The following SHROOM4 variants were observed in gnomAD, a reference collection of about 807,000 sequenced individuals.
SHROOM4 encodes the protein protein Shroom4.
A neutral mutation model predicts 80.3 loss-of-function variants in SHROOM4; 17 were observed. That is an observed-to-expected ratio of 0.21 (90% confidence interval 0.14 to 0.32). SHROOM4 has a LOEUF of 0.32. SHROOM4 is among the 10% of genes least tolerant of loss of function. The pLI is 1.00. For synonymous variants in SHROOM4, 400 were observed against 437.5 expected, an observed-to-expected ratio of 0.91 and a Z score of 1.07; for missense variants, 993 against 1,140.3, an observed-to-expected ratio of 0.87 and a Z score of 1.86.
intron 6 of SHROOM4, among the ~76,000 whole-genome samples, chrX:50,605,294 A>G (rs1181610000): frequency 8.9e-6 from 1 of 112,261 alleles, no homozygotes; most frequent in Non-Finnish European, 1.9e-5. Context: ...TAAATCAATC[A>G]TTACCCAAAG....
intron 2 of SHROOM4, among the ~76,000 whole-genome samples, chrX:50,660,537 C>T (rs1602413761): frequency 1.8e-5 from 1 of 56,544 alleles, no homozygotes; most frequent in African/African-American, 7.5e-5. Flanking sequence ...TCCCTCCCTC[C>T]CTCCCTCCCT....
At chrX:50,726,590 T>C (rs1934247784) in intron 1 of SHROOM4, among the ~76,000 whole-genome samples, 1 of 112,468 alleles carries the variant, frequency 8.9e-6, no homozygotes, top group Non-Finnish European at 1.9e-5. Flanking sequence ...GCTCCAGCCA[T>C]GGCTAAAAGG....
At chrX:50,652,366 T>C (rs782576712) in intron 2 of SHROOM4, among the ~76,000 whole-genome samples, 1 of 112,357 alleles carries the variant, frequency 8.9e-6, no homozygotes, top group African/African-American at 3.2e-5. Flanking sequence ...TTTGGCCACA[T>C]AAATGTCTTC....
At chrX:50,757,304 T>G (rs782326880) in intron 1 of SHROOM4, among the ~76,000 whole-genome samples, 1 of 112,276 alleles carries the variant, frequency 8.9e-6, no homozygotes, top group Non-Finnish European at 1.9e-5. Flanking sequence ...ATCACACATG[T>G]AAAGGCTTAT....
chrX:50,610,352 T>TCTCTCTCTCTCACACACACA (rs782591424), intron 5 of SHROOM4, among the ~76,000 whole-genome samples: 14 of 91,709 alleles, frequency 1.5e-4, no homozygotes, highest in African/African-American at 6.4e-4. Context: ...TCTCTCTCTC[T>TCTCTCTCTCTCACACACACA]CACACACACA....
intron 1 of SHROOM4, among the ~76,000 whole-genome samples, chrX:50,699,686 T>G (rs1011839994): frequency 8.9e-6 from 1 of 111,965 alleles, no homozygotes; most frequent in Admixed American, 9.5e-5. Context: ...GCTAATGAGC[T>G]AGCAATTTGG....
At chrX:50,640,189 A>G (rs1247688626) in intron 2 of SHROOM4, among the ~76,000 whole-genome samples, 1 of 111,664 alleles carries the variant, frequency 9.0e-6, no homozygotes, top group Non-Finnish European at 1.9e-5. Context: ...ACTATGACCT[A>G]TGCTTTTAGA....
At chrX:50,586,289 A>T (rs1160868466), downstream of SHROOM4, among the ~76,000 whole-genome samples, 1 of 111,783 alleles carries the variant, frequency 8.9e-6, no homozygotes, top group African/African-American at 3.3e-5. Flanking sequence ...TTCACATTTA[A>T]TCTAATGCAT....
intron 2 of SHROOM4, chrX:50,643,360 G>C (rs1017569041): frequency 9.0e-6 from 1 of 111,510 alleles, no homozygotes; most frequent in Admixed American, 9.5e-5. Context: ...GGGGTATCCG[G>C]CTAGCTCAGA....
the SHROOM4 span, among the ~76,000 whole-genome samples, chrX:50,575,967 C>A: frequency 8.9e-6 from 1 of 111,801 alleles, no homozygotes; most frequent in South Asian, 3.8e-4. Context: ...TGTATTTGGT[C>A]ACTTTTTGTG....
chrX:50,750,110 T>C (rs1361775520), intron 1 of SHROOM4, among the ~76,000 whole-genome samples: 1 of 111,778 alleles, frequency 8.9e-6, no homozygotes, highest in Non-Finnish European at 1.9e-5. Context: ...ATAGAGGTCT[T>C]TGCTATAAGC....
At chrX:50,601,838 A>T (rs1052862299) in intron 7 of SHROOM4, among the ~76,000 whole-genome samples, 1 of 111,909 alleles carries the variant, frequency 8.9e-6, no homozygotes, top group Non-Finnish European at 1.9e-5. Flanking sequence ...TGCACAAAGA[A>T]TAAAAATCAA....
chrX:50,667,879 C>G (rs1449844477), intron 2 of SHROOM4, among the ~76,000 whole-genome samples: 1 of 111,024 alleles, frequency 9.0e-6, no homozygotes, highest in Non-Finnish European at 1.9e-5. Flanking sequence ...AAATATAAGC[C>G]CCAATAAGAG....
Position 50,593,444 on chromosome X carries a change from A to T in SHROOM4, c.*3251T>A, listed in dbSNP as rs1387938748. 2.7e-5 allele frequency: 3 copies of T among 112,328 alleles called. No homozygotes were observed. Among genetic ancestry groups the T allele is most frequent in the Non-Finnish European group, 5.6e-5 (3 of 53,207 alleles). 9.3% of individuals were successfully genotyped at this position (112,328 alleles called of 1,213,427 possible). On this transcript the variant is annotated 3_prime_UTR_variant, in exon 9 of 9. Coordinates refer to ENST00000376020, the MANE Select transcript of SHROOM4 (RefSeq NM_020717.5). ...TGCAGAAACAACAAGATTTGGAAAA[A>T]GAATAGCTTCACATGGGATAGATGA... is the stretch of plus-strand genomic sequence containing the variant.
In SHROOM4 at chrX:50,635,681, G is replaced by A. The variant is rs781809344; in HGVS notation, c.405-13C>T. Reference sequence around the variant, plus strand: ...CACACACACGTCACTGTAAGACACAGGGCATACTGGTTAGTTAGCGAAGTC... The same window carrying A: ...CACACACACGTCACTGTAAGACACAAGGCATACTGGTTAGTTAGCGAAGTC... On this transcript the variant is annotated splice_polypyrimidine_tract_variant and intron_variant, in intron 3 of 8. Transcript: ENST00000376020. 2.5e-6 allele frequency: 3 copies of A among 1,203,022 alleles called. No homozygotes were observed. The highest frequency in any genetic ancestry group is 2.2e-6 in the Non-Finnish European group (2 of 890,345).
At chrX:50,745,742 C>T (rs1406478260) in intron 1 of SHROOM4, among the ~76,000 whole-genome samples, 2 of 110,999 alleles carry the variant, frequency 1.8e-5, no homozygotes, top group Non-Finnish European at 3.8e-5. Flanking sequence ...CCTGTTTTCT[C>T]GGTTGTACTC....
At chrX:50,687,987 C>CCCCTGT (rs782095158) in intron 2 of SHROOM4, among the ~76,000 whole-genome samples, 6 of 110,038 alleles carry the variant, frequency 5.5e-5, no homozygotes, top group Non-Finnish European at 1.1e-4. Context: ...GAACAAGCAG[C>CCCCTGT]CCCTGTCCTC....
intron 2 of SHROOM4, among the ~76,000 whole-genome samples, chrX:50,652,245 T>C (rs1372995045): frequency 8.9e-6 from 1 of 112,127 alleles, no homozygotes; most frequent in Non-Finnish European, 1.9e-5. Flanking sequence ...CTAGCATCTG[T>C]TGTTTCCTGA....
At chrX:50,581,646 A>T in the SHROOM4 span, among the ~76,000 whole-genome samples, 83 of 112,105 alleles carry the variant, frequency 7.4e-4, no homozygotes, top group African/African-American at 2.6e-3. Context: ...TGAGAGAGCC[A>T]TCCTGCCCTT....
Sources: allele counts gnomAD v4.1 joint callset (sites outside exome capture counted in the v4.1 genomes callset), GRCh38; gene constraint gnomAD v4.1.1; transcripts MANE v1.5; gene names NCBI Gene and HGNC (gene_info 2026-07-23, HGNC 2026-07-21).